The following NRGN variants were observed in gnomAD, a reference collection of about 807,000 sequenced individuals.
NRGN encodes calmodulin-binding protein.
For synonymous variants in NRGN, 47 were observed against 52.8 expected, an observed-to-expected ratio of 0.89 and a Z score of 0.47; for missense variants, 82 against 123.0, an observed-to-expected ratio of 0.67 and a Z score of 1.58.
At position 124,740,070 on chromosome 11, in the gene NRGN, C is replaced by G. The variant is rs759255125; in HGVS notation, c.-15C>G. On this transcript the variant is annotated 5_prime_UTR_variant, in exon 1 of 4. Transcript: ENST00000284292. The surrounding 1 kb of genome is among the most constrained non-coding windows in gnomAD (Gnocchi z 7.5). ...CGCCAGCCTTCGTCCCCGCAGAGGACCCCCCGACACCAGCATGGACTGCTG... is the reference window on the plus strand; with the variant it reads ...CGCCAGCCTTCGTCCCCGCAGAGGAGCCCCCGACACCAGCATGGACTGCTG... The G allele has an allele frequency of 1.5e-6, 2 of 1,326,752 alleles. No individual in the cohort carries two copies. The highest frequency in any genetic ancestry group is 3.0e-5 in the African/African-American group (2 of 66,034). The allele number at this position is 1,326,752 out of a possible 1,614,324, so 82.2% of individuals were successfully genotyped here. A position where few individuals can be genotyped will look rare whatever the true frequency, so the allele number is the denominator to read the frequency against.
chr11:124,743,387 G>A (rs1943982003), intron 1 of NRGN, among the ~76,000 whole-genome samples: 1 of 152,180 alleles, frequency 6.6e-6, no homozygotes, highest in Non-Finnish European at 1.5e-5. Flanking sequence ...TTGAGAAGAA[G>A]CCTCACTGTT....
At chr11:124,743,858 C>T (rs532236379) in intron 1 of NRGN, among the ~76,000 whole-genome samples, 8 of 136,072 alleles carry the variant, frequency 5.9e-5, no homozygotes, top group African/African-American at 9.0e-5. Context: ...ATCTCGTGTC[C>T]TAGAAGAAAA....
rs1350980094 is a variant in NRGN at position 124,746,889 on chromosome 11, GAA to G, written c.*510_*511del. The G allele has an allele frequency of 2.0e-5, 3 of 152,754 alleles. No individual in the cohort carries two copies. The highest frequency in any genetic ancestry group is 6.5e-5 in the Admixed American group (1 of 15,286). 9.5% of individuals were successfully genotyped at this position (152,754 alleles called of 1,614,324 possible). A position where few individuals can be genotyped will look rare whatever the true frequency, so the allele number is the denominator to read the frequency against. On this transcript the variant is annotated 3_prime_UTR_variant, in exon 4 of 4. Transcript: ENST00000284292. The stretch of plus-strand genomic sequence containing the variant: ...CTTTGGATCCGGGGCGAGATGAAGG[GAA>G]GAGGGTTGTTTTGGTTTCGGACGAC...
In NRGN at chr11:124,740,651, G is replaced by C. The variant is rs1184206511; in HGVS notation, c.15+552G>C. On this transcript the variant is annotated intron_variant, in intron 1 of 3. Transcript: ENST00000284292. This position sits in a 1 kb window ranked among gnomAD's most constrained non-coding sequence, Gnocchi z 7.5. ...CTAGTCAGGGTGGTTCTGGGGAGGG[G>C]TTGTCCCGGCCCCCAAGGCCTTCTC... is the stretch of plus-strand genomic sequence containing the variant. Among the ~76,000 whole-genome samples, 1 of 152,276 alleles carries C rather than the reference G, an allele frequency of 6.6e-6. No individual in the cohort carries two copies. Among genetic ancestry groups the C allele is most frequent in the Non-Finnish European group, 1.5e-5 (1 of 68,052 alleles).
At position 124,740,067 on chromosome 11, in the gene NRGN, G is replaced by T; in HGVS notation, c.-18G>T. On this transcript the variant is annotated 5_prime_UTR_variant, in exon 1 of 4. In the 5' UTR this introduces an upstream ATG that the reference lacks. Transcript: ENST00000284292. This position sits in a 1 kb window ranked among gnomAD's most constrained non-coding sequence, Gnocchi z 7.5. Reference sequence around the variant, plus strand: ...CTGCGCCAGCCTTCGTCCCCGCAGAGGACCCCCCGACACCAGCATGGACTG... The same window carrying T: ...CTGCGCCAGCCTTCGTCCCCGCAGATGACCCCCCGACACCAGCATGGACTG... 2 of 1,328,180 alleles carry T rather than the reference G, an allele frequency of 1.5e-6. No individual in the cohort carries two copies. Among genetic ancestry groups the T allele is most frequent in the Non-Finnish European group, 1.9e-6 (2 of 1,029,810 alleles). 82.3% of individuals were successfully genotyped at this position (1,328,180 alleles called of 1,614,324 possible). A position where few individuals can be genotyped will look rare whatever the true frequency, so the allele number is the denominator to read the frequency against.
Position 124,745,845 on chromosome 11 carries a change from G to A in NRGN, c.*5+116G>A. The stretch of plus-strand genomic sequence containing the variant: ...GGGGGCGTGGAGGGAGCTAAGGGTT[G>A]GGGGATAGAAATCCGAGATGGGAGG... On this transcript the variant is annotated intron_variant, in intron 2 of 3. Coordinates refer to ENST00000284292, the MANE Select transcript of NRGN (RefSeq NM_006176.3). This position sits in a 1 kb window ranked among gnomAD's most constrained non-coding sequence, Gnocchi z 6.4. 1 of 487,636 alleles carries A rather than the reference G, an allele frequency of 2.1e-6. No homozygotes were observed. Among genetic ancestry groups the A allele is most frequent in the South Asian group, 6.8e-5 (1 of 14,796 alleles). The allele number at this position is 487,636 out of a possible 1,614,324, so 30.2% of individuals were successfully genotyped here.
intron 1 of NRGN, among the ~76,000 whole-genome samples, chr11:124,744,385 T>C (rs1267284683): frequency 6.6e-6 from 1 of 152,258 alleles, no homozygotes. Context: ...ATTATCCTGA[T>C]ATTTTAGAGG....
In NRGN at chr11:124,746,893, AGGGTTGTTTTGG is replaced by A. The variant is rs1565438303; in HGVS notation, c.*514_*525del. ...GGATCCGGGGCGAGATGAAGGGAAG[AGGGTTGTTTTGG>A]TTTCGGACGACCCTTGCTCTGACCG... On this transcript the variant is annotated 3_prime_UTR_variant, in exon 4 of 4. Coordinates refer to ENST00000284292, the MANE Select transcript of NRGN (RefSeq NM_006176.3). 6.5e-6 allele frequency: 1 copy of A among 152,696 alleles called. No homozygotes were observed. Among genetic ancestry groups the A allele is most frequent in the East Asian group, 1.9e-4 (1 of 5,196 alleles). The allele number at this position is 152,696 out of a possible 1,614,324, so 9.5% of individuals were successfully genotyped here.
chr11:124,743,240 G>A (rs1006519609), intron 1 of NRGN, among the ~76,000 whole-genome samples: 2 of 152,334 alleles, frequency 1.3e-5, no homozygotes, highest in East Asian at 1.9e-4. Flanking sequence ...CAGCTGGGGC[G>A]GGCGGTGACA....
chr11:124,740,330 G>A lies in NRGN; in HGVS notation c.15+231G>A, dbSNP rs1943957428. The stretch of plus-strand genomic sequence containing the variant: ...CGCGGGGGCGTCTGAGCGCCCATCC[G>A]TTAGACAGCCTAGGCTGGACTGGGA... On this transcript the variant is annotated intron_variant, in intron 1 of 3. Coordinates refer to ENST00000284292, the MANE Select transcript of NRGN (RefSeq NM_006176.3). The surrounding 1 kb of genome is among the most constrained non-coding windows in gnomAD (Gnocchi z 7.5). Among the ~76,000 whole-genome samples, 2 of 152,242 alleles carry A rather than the reference G, an allele frequency of 1.3e-5. No homozygotes were observed. Among genetic ancestry groups the A allele is most frequent in the Admixed American group, 1.3e-4 (2 of 15,288 alleles).
At chr11:124,743,652 A>C (rs936885983) in intron 1 of NRGN, among the ~76,000 whole-genome samples, 1 of 152,190 alleles carries the variant, frequency 6.6e-6, no homozygotes, top group African/African-American at 2.4e-5. Flanking sequence ...CTTGGGAAAC[A>C]TGGCGAGGGG....
Position 124,740,512 on chromosome 11 carries a change from G to A in NRGN, c.15+413G>A, listed in dbSNP as rs1943958483. 6.6e-6 allele frequency among the ~76,000 whole-genome samples: 1 copy of A among 152,248 alleles called. No individual in the cohort carries two copies. Among genetic ancestry groups the A allele is most frequent in the African/African-American group, 2.4e-5 (1 of 41,468 alleles). On this transcript the variant is annotated intron_variant, in intron 1 of 3. Transcript: ENST00000284292. The surrounding 1 kb of genome is among the most constrained non-coding windows in gnomAD (Gnocchi z 7.5). ...CCGTTCCCCATCCCACTGCGCCGCC[G>A]TCGGTGGGCGGACAGGCTGATCCTC...
chr11:124,740,107 A>G lies in NRGN; in HGVS notation c.15+8A>G. On this transcript the variant is annotated splice_region_variant and intron_variant, in intron 1 of 3. Transcript: ENST00000284292. The surrounding 1 kb of genome is among the most constrained non-coding windows in gnomAD (Gnocchi z 7.5). ...AGCATGGACTGCTGCACCGTAAGTT[A>G]GAGGGCCCGGGGGAGGGGCACTTGG... 3.8e-6 allele frequency: 5 copies of G among 1,329,560 alleles called. No individual in the cohort carries two copies. Among genetic ancestry groups the G allele is most frequent in the Non-Finnish European group, 3.9e-6 (4 of 1,037,194 alleles). 82.4% of individuals were successfully genotyped at this position (1,329,560 alleles called of 1,614,324 possible).
Position 124,745,568 on chromosome 11 carries a change from C to T in NRGN, c.81C>T (p.Asn27=), listed in dbSNP as rs1944002558. Residue 27 remains asparagine (N), a synonymous_variant, in exon 2 of 4, where the codon AAC becomes AAT. Coordinates refer to ENST00000284292, the MANE Select transcript of NRGN (RefSeq NM_006176.3). This position sits in a 1 kb window ranked among gnomAD's most constrained non-coding sequence, Gnocchi z 6.4. The part of the protein sequence containing the change: ...LDIPLDDPGA[N]AAAAKIQASF... ...TCCCGCTGGACGATCCCGGCGCCAA[C>T]GCGGCCGCCGCCAAAATCCAGGCGA... The T allele has an allele frequency of 1.1e-5, 17 of 1,606,276 alleles. No homozygotes were observed. The highest frequency in any genetic ancestry group is 1.3e-5 in the Non-Finnish European group (15 of 1,177,710).
chr11:124,744,217 A>G (rs1369588516), intron 1 of NRGN, among the ~76,000 whole-genome samples: 1 of 152,220 alleles, frequency 6.6e-6, no homozygotes, highest in East Asian at 1.9e-4. Context: ...TTATTATATG[A>G]CCACTTTTGG....
chr11:124,745,697 C>A lies in NRGN; in HGVS notation c.210C>A (p.Gly70=). Residue 70 remains glycine (G), a synonymous_variant, in exon 2 of 4, where the codon GGC becomes GGA. Transcript: ENST00000284292. The surrounding 1 kb of genome is among the most constrained non-coding windows in gnomAD (Gnocchi z 6.4). ...GPGGAGVARG[G]AGGGPSGD ...GCGGAGCTGGGGTGGCCCGGGGAGG[C>A]GCGGGCGGCGGCCCCAGCGGAGACT... 7.1e-7 allele frequency: 1 copy of A among 1,401,722 alleles called. No individual in the cohort carries two copies. The allele number at this position is 1,401,722 out of a possible 1,614,324, so 86.8% of individuals were successfully genotyped here. A position where few individuals can be genotyped will look rare whatever the true frequency, so the allele number is the denominator to read the frequency against.
At chr11:124,741,297 A>G (rs1943963717) in intron 1 of NRGN, among the ~76,000 whole-genome samples, 1 of 152,224 alleles carries the variant, frequency 6.6e-6, no homozygotes, top group African/African-American at 2.4e-5. Context: ...GATTTTTCCA[A>G]GGAAGCATGA....
intron 1 of NRGN, among the ~76,000 whole-genome samples, chr11:124,742,276 A>C (rs1185850085): frequency 6.6e-6 from 1 of 152,132 alleles, no homozygotes; most frequent in East Asian, 1.9e-4. Flanking sequence ...GGCTAGAGGC[A>C]GGTCCTTCTT....
At position 124,745,781 on chromosome 11, in the gene NRGN, C is replaced by A; in HGVS notation, c.*5+52C>A. On this transcript the variant is annotated intron_variant, in intron 2 of 3. Transcript: ENST00000284292. The surrounding 1 kb of genome is among the most constrained non-coding windows in gnomAD (Gnocchi z 6.4). ...GACAGCTGCCCTTCCCCAGCCCTCC[C>A]CAGGAGCAGGGGGAGAATAAGGGCG... is the stretch of plus-strand genomic sequence containing the variant. The A allele has an allele frequency of 9.8e-7, 1 of 1,022,228 alleles. No homozygotes were observed. Among genetic ancestry groups the A allele is most frequent in the Non-Finnish European group, 1.3e-6 (1 of 770,602 alleles). 63.3% of individuals were successfully genotyped at this position (1,022,228 alleles called of 1,614,324 possible).
Sources: gnomAD v4.1 joint callset for allele counts (sites outside exome capture counted in the v4.1 genomes callset) on GRCh38, gnomAD v4.1.1 for gene constraint, Gnocchi (gnomAD v3.1) non-coding constraint, MANE v1.5 for transcripts, NCBI Gene and HGNC (gene_info 2026-07-23, HGNC 2026-07-21) for gene names.